Variants in GALNT1 observed in about 807,000 individuals in gnomAD.
GALNT1 encodes the protein polypeptide N-acetylgalactosaminyltransferase 1.
A neutral mutation model predicts 65.7 loss-of-function variants in GALNT1; 17 were observed. The ratio of observed to expected loss-of-function variants is 0.26; its 90% confidence interval spans 0.18 to 0.39. The LOEUF is 0.39. GALNT1 is among the 10% of genes least tolerant of loss of function. GALNT1 has a pLI of 1.00. For synonymous variants in GALNT1, 210 were observed against 219.7 expected, an observed-to-expected ratio of 0.96 and a Z score of 0.39; for missense variants, 460 against 672.8, an observed-to-expected ratio of 0.68 and a Z score of 3.50.
rs958480524 is a variant in GALNT1 at position 35,641,717 on chromosome 18, C to T, written c.-103-12843C>T. On this transcript the variant is annotated intron_variant, in intron 1 of 11. Transcript: ENST00000269195. ...TGTCAACGATATAACACATCCACCA[C>T]GTGCAGTGATATAACAGTTCACATC... Among the ~76,000 whole-genome samples the T allele has an allele frequency of 6.6e-5, 10 of 152,322 alleles. 1 individual carries two copies. In the East Asian group the frequency reaches 9.6e-4, roughly 15 times the overall value.
chr18:35,644,696 A>G (rs2047207329), intron 1 of GALNT1, among the ~76,000 whole-genome samples: 1 of 152,178 alleles, frequency 6.6e-6, no homozygotes, highest in Admixed American at 6.5e-5. Flanking sequence ...CGTCTGCTTT[A>G]TAATTCAGTC....
At chr18:35,611,539 C>G (rs1459211877) in intron 1 of GALNT1, among the ~76,000 whole-genome samples, 1 of 152,192 alleles carries the variant, frequency 6.6e-6, no homozygotes. Context: ...AATTTGCTCT[C>G]TTTATACATC....
intron 1 of GALNT1, among the ~76,000 whole-genome samples, chr18:35,626,688 A>T (rs1186594949): frequency 6.6e-6 from 1 of 152,196 alleles, no homozygotes; most frequent in East Asian, 1.9e-4. Context: ...TGGCTCCATG[A>T]AATCATGAGG....
In GALNT1 at chr18:35,703,638, C is replaced by T; in HGVS notation, c.1528C>T (p.Pro510Ser). Residue 510 changes from proline (P) to serine (S), a missense_variant, in exon 11 of 12, where the codon CCA (proline) becomes TCA (serine). Coordinates refer to ENST00000269195, the MANE Select transcript of GALNT1 (RefSeq NM_020474.4). Reference protein sequence around the residue: ...LKGNQLWEYDPVKLTLQHVNS... With the variant: ...LKGNQLWEYDSVKLTLQHVNS... Reference sequence around the variant, plus strand: ...AGGCAACCAACTCTGGGAGTATGACCCAGTGGTAAGTTATGCAGTTGCCTA... The same window carrying T: ...AGGCAACCAACTCTGGGAGTATGACTCAGTGGTAAGTTATGCAGTTGCCTA... 1 of 1,613,744 alleles carries T rather than the reference C, an allele frequency of 6.2e-7. No individual in the cohort carries two copies. Among genetic ancestry groups the T allele is most frequent in the Non-Finnish European group, 8.5e-7 (1 of 1,179,868 alleles).
At chr18:35,698,106 G>T (rs948867647) in intron 9 of GALNT1, among the ~76,000 whole-genome samples, 1 of 152,172 alleles carries the variant, frequency 6.6e-6, no homozygotes, top group Non-Finnish European at 1.5e-5. Flanking sequence ...CCTCACAAAT[G>T]GTGGAAGATT....
At chr18:35,584,846 G>A (rs962002812) in intron 1 of GALNT1, among the ~76,000 whole-genome samples, 5 of 152,182 alleles carry the variant, frequency 3.3e-5, no homozygotes, top group African/African-American at 1.2e-4. Flanking sequence ...ATGCTCGCTT[G>A]CCCACTGCTC....
chr18:35,694,029 G>A (rs1033056790), intron 9 of GALNT1, among the ~76,000 whole-genome samples: 2 of 152,136 alleles, frequency 1.3e-5, no homozygotes, highest in South Asian at 2.1e-4. Flanking sequence ...TCAGGAAAGA[G>A]GAAGTGATCA....
chr18:35,599,773 T>G (rs2046558179), intron 1 of GALNT1, among the ~76,000 whole-genome samples: 1 of 152,236 alleles, frequency 6.6e-6, no homozygotes, highest in Admixed American at 6.5e-5. Context: ...CTGGATTTAT[T>G]GAAGAGACTG....
chr18:35,615,948 T>C (rs2046778581), intron 1 of GALNT1, among the ~76,000 whole-genome samples: 1 of 152,194 alleles, frequency 6.6e-6, no homozygotes, highest in African/African-American at 2.4e-5. Context: ...GTACAGTCTC[T>C]GTAAAGGCCA....
chr18:35,581,565 G>GCA (rs2046314438), upstream of GALNT1, among the ~76,000 whole-genome samples: 1 of 90 alleles, frequency 0.011, no homozygotes, highest in Non-Finnish European at 0.026. Context: ...CGCGCGACGA[G>GCA]CCCCAAGTGA....
chr18:35,618,607 G>A (rs1226101134), intron 1 of GALNT1, among the ~76,000 whole-genome samples: 1 of 152,044 alleles, frequency 6.6e-6, no homozygotes, highest in Non-Finnish European at 1.5e-5. Context: ...TAATACAAAA[G>A]AAATGTTTGA....
At chr18:35,594,781 C>G (rs1039605126) in intron 1 of GALNT1, among the ~76,000 whole-genome samples, 1 of 152,150 alleles carries the variant, frequency 6.6e-6, no homozygotes, top group African/African-American at 2.4e-5. Flanking sequence ...GTGAGGGAAC[C>G]TAAGCCCCAG....
intron 1 of GALNT1, among the ~76,000 whole-genome samples, chr18:35,648,715 C>T (rs2047269810): frequency 6.6e-6 from 1 of 152,062 alleles, no homozygotes; most frequent in Non-Finnish European, 1.5e-5. Context: ...GGTATCCTCT[C>T]CCCCATGTTT....
At chr18:35,709,475 TCCACCTACCTACCTTTTCTCCG>T (rs1403787689) in intron 11 of GALNT1, 127 bp from the exon 12 acceptor site, 1 of 650,306 alleles carries the variant, frequency 1.5e-6, no homozygotes, top group Non-Finnish European at 2.6e-6. Context: ...TCTCCATCCA[TCCACCTACCTACCTTTTCTCCG>T]TTGTCTTTTA....
intron 1 of GALNT1, among the ~76,000 whole-genome samples, chr18:35,620,083 T>G (rs2046832811): frequency 6.6e-6 from 1 of 151,960 alleles, no homozygotes; most frequent in Non-Finnish European, 1.5e-5. Flanking sequence ...AAGATAGAGG[T>G]TTTTTCCTCT....
At chr18:35,639,356 G>A (rs1323693309) in intron 1 of GALNT1, among the ~76,000 whole-genome samples, 1 of 152,122 alleles carries the variant, frequency 6.6e-6, no homozygotes, top group Non-Finnish European at 1.5e-5. Flanking sequence ...AAAGATGATT[G>A]GTAGAATTTT....
intron 2 of GALNT1, among the ~76,000 whole-genome samples, chr18:35,656,467 G>T (rs2047387440): frequency 6.6e-6 from 1 of 152,232 alleles, no homozygotes; most frequent in Admixed American, 6.5e-5. Flanking sequence ...ATGCCTTGGG[G>T]TGTCTGAGAA....
At chr18:35,655,348 T>C (rs1248422263) in intron 2 of GALNT1, among the ~76,000 whole-genome samples, 1 of 151,120 alleles carries the variant, frequency 6.6e-6, no homozygotes, top group African/African-American at 2.4e-5. Flanking sequence ...AGTGAGATCA[T>C]TGCAATATCT....
At chr18:35,635,734 AT>A (rs900788111) in intron 1 of GALNT1, among the ~76,000 whole-genome samples, 9 of 150,310 alleles carry the variant, frequency 6.0e-5, no homozygotes, top group East Asian at 2.0e-4. Context: ...AAGTTTGTAG[AT>A]TTTTTTTTTA....
Sources: allele counts gnomAD v4.1 joint callset (sites outside exome capture counted in the v4.1 genomes callset), GRCh38; gene constraint gnomAD v4.1.1; transcripts MANE v1.5; gene names NCBI Gene and HGNC (gene_info 2026-07-23, HGNC 2026-07-21).